The following HTR1F variants were observed in gnomAD, a reference collection of about 807,000 sequenced individuals.
HTR1F encodes the protein 5-hydroxytryptamine receptor 1F, also known as 5-hydroxytryptamine (serotonin) receptor 1F, G protein-coupled.
In HTR1F, 17 loss-of-function variants were observed where a neutral mutation model predicts 24.0. The observed-to-expected ratio is 0.71, with a 90% confidence interval of 0.48 to 1.06. The LOEUF (loss-of-function observed/expected upper bound fraction) is 1.06, where lower values mean the gene tolerates loss of function less well. Ranked by LOEUF, HTR1F falls within the 50% of genes least tolerant of loss-of-function variation. HTR1F has a pLI of 0.00. For missense variants in HTR1F, 391 were observed against 427.8 expected (o/e 0.91, Z 0.76); for synonymous variants, 186 against 156.8 (o/e 1.19, Z -1.39).
intron 2 of HTR1F, among the ~76,000 whole-genome samples, chr3:87,831,330 A>AATTATTATTATT (rs58022545): frequency 2.8e-5 from 4 of 142,406 alleles, no homozygotes; most frequent in African/African-American, 5.2e-5. Flanking sequence ...GATATTAAGA[A>AATTATTATTATT]ATTATTATTA....
chr3:87,806,898 A>T lies in HTR1F; in HGVS notation c.-160+14056A>T, dbSNP rs1844431. ...GACCATTTATTGAAGAGACTCCCCA[A>T]TGTATGTTCTTGGAACCCTCATCAA... On this transcript the variant is annotated intron_variant, in intron 1 of 2. Transcript: ENST00000319595. 4.0e-5 allele frequency among the ~76,000 whole-genome samples: 6 copies of T among 151,738 alleles called. No individual in the cohort carries two copies. In the East Asian group the frequency reaches 1.2e-3, roughly 29 times the overall value.
At chr3:87,846,648 A>C (rs1447533023) in intron 2 of HTR1F, among the ~76,000 whole-genome samples, 1 of 151,978 alleles carries the variant, frequency 6.6e-6, no homozygotes, top group African/African-American at 2.4e-5. Flanking sequence ...TGTTATTTCC[A>C]CAATTGAGTA....
chr3:87,842,286 G>A (rs951829297), intron 2 of HTR1F, among the ~76,000 whole-genome samples: 1 of 151,422 alleles, frequency 6.6e-6, no homozygotes, highest in African/African-American at 2.4e-5. Flanking sequence ...TCAGCCTCCC[G>A]AGTAGCTGGG....
intron 1 of HTR1F, among the ~76,000 whole-genome samples, chr3:87,800,011 C>T (rs1254006323): frequency 4.6e-5 from 7 of 152,162 alleles, no homozygotes; most frequent in Non-Finnish European, 7.3e-5. Flanking sequence ...ATGGGTCTCT[C>T]GAATATACTA....
intron 2 of HTR1F, among the ~76,000 whole-genome samples, chr3:87,946,629 T>A (rs13058900): frequency 0.041 from 2,652 of 65,410 alleles, 32 homozygotes; most frequent in African/African-American, 0.056. Flanking sequence ...ATATATATAT[T>A]TTTTTTTTTT....
chr3:87,871,157 C>A (rs1172730937), intron 2 of HTR1F, among the ~76,000 whole-genome samples: 1 of 151,542 alleles, frequency 6.6e-6, no homozygotes, highest in African/African-American at 2.4e-5. Flanking sequence ...TAGATAGAAA[C>A]CTTAAAAATC....
intron 2 of HTR1F, among the ~76,000 whole-genome samples, chr3:87,936,471 A>G (rs181184838): frequency 3.9e-5 from 6 of 152,340 alleles, no homozygotes; most frequent in Non-Finnish European, 4.4e-5. Context: ...GTTATTAACC[A>G]CATTGCAGAA....
intron 2 of HTR1F, among the ~76,000 whole-genome samples, chr3:87,942,692 G>C (rs146748815): frequency 1.1e-3 from 163 of 151,878 alleles, no homozygotes; most frequent in African/African-American, 3.8e-3. Flanking sequence ...CCCTTTACCA[G>C]GGCCTCCAAA....
chr3:87,831,895 G>T (rs1317331556), intron 2 of HTR1F, among the ~76,000 whole-genome samples: 1 of 152,090 alleles, frequency 6.6e-6, no homozygotes, highest in Non-Finnish European at 1.5e-5. Context: ...CTAACTTTTG[G>T]AAACTTAATG....
At chr3:87,925,348 C>A (rs890102574) in intron 2 of HTR1F, among the ~76,000 whole-genome samples, 11 of 152,046 alleles carry the variant, frequency 7.2e-5, no homozygotes, top group African/African-American at 2.4e-4. Flanking sequence ...GTGGTCAGTT[C>A]TTGGGTTCTA....
chr3:87,914,752 C>G (rs989041763), intron 2 of HTR1F, among the ~76,000 whole-genome samples: 1 of 152,082 alleles, frequency 6.6e-6, no homozygotes, highest in Non-Finnish European at 1.5e-5. Context: ...TGCGCCTTCC[C>G]TACCCACCCT....
chr3:87,934,634 T>G (rs1391767511), intron 2 of HTR1F, among the ~76,000 whole-genome samples: 1 of 152,302 alleles, frequency 6.6e-6, no homozygotes, highest in East Asian at 1.9e-4. Flanking sequence ...CTCTGACTCC[T>G]TTGTTGATTT....
At position 87,964,702 on chromosome 3, in the gene HTR1F, T is replaced by C. The variant is rs538510265; in HGVS notation, c.-42-26006T>C. Among the ~76,000 whole-genome samples the C allele has an allele frequency of 4.6e-5, 7 of 152,312 alleles. No individual in the cohort carries two copies. In the South Asian group the frequency reaches 1.2e-3, roughly 27 times the overall value. On this transcript the variant is annotated intron_variant, in intron 2 of 2. Coordinates refer to ENST00000319595, the MANE Select transcript of HTR1F (RefSeq NM_001322209.2). ...GAAAAATGTAGATGGGAGAGACCAC[T>C]AGGATCTGGAAAGATAGTAAGAGAT...
rs545993733 is a variant in HTR1F at position 87,941,722 on chromosome 3, G to T, written c.-42-48986G>T. On this transcript the variant is annotated intron_variant, in intron 2 of 2. Coordinates refer to ENST00000319595, the MANE Select transcript of HTR1F (RefSeq NM_001322209.2). ...GAGAGTCAGGATGTACAGGGATGCA[G>T]AAAAAGGCATCTTTAAGGTTCAGGA... Among the ~76,000 whole-genome samples the T allele has an allele frequency of 3.3e-5, 5 of 152,234 alleles. No homozygotes were observed. In the South Asian group the frequency reaches 1.0e-3, roughly 32 times the overall value.
intron 2 of HTR1F, among the ~76,000 whole-genome samples, chr3:87,945,113 T>A (rs931552336): frequency 8.9e-6 from 1 of 111,834 alleles, no homozygotes; most frequent in Non-Finnish European, 2.1e-5. Flanking sequence ...GTCTCCTCCA[T>A]CTCTCTCTCT....
intron 2 of HTR1F, among the ~76,000 whole-genome samples, chr3:87,827,016 G>C (rs1704478102): frequency 6.6e-6 from 1 of 151,984 alleles, no homozygotes; most frequent in Admixed American, 6.6e-5. Context: ...TCGCCATGTT[G>C]CCCAGGCTGG....
Position 87,935,954 on chromosome 3 carries a change from G to A in HTR1F, c.-42-54754G>A, listed in dbSNP as rs767547506. ...CAACCTCCACCTTCTGGGTTCAAGC[G>A]ATCCTCCTGCCTCAGCCTCCTGAGT... On this transcript the variant is annotated intron_variant, in intron 2 of 2. Coordinates refer to ENST00000319595, the MANE Select transcript of HTR1F (RefSeq NM_001322209.2). Among the ~76,000 whole-genome samples the A allele has an allele frequency of 7.2e-4, 110 of 152,032 alleles. 1 individual carries two copies. Among genetic ancestry groups the A allele is most frequent in the Non-Finnish European group, 2.9e-4 (20 of 68,008 alleles).
intron 1 of HTR1F, among the ~76,000 whole-genome samples, chr3:87,794,601 T>C (rs1172118187): frequency 6.6e-6 from 1 of 152,248 alleles, no homozygotes; most frequent in African/African-American, 2.4e-5. Flanking sequence ...GAATCATTTA[T>C]TCACGCTTCA....
At chr3:87,833,145 A>G (rs1043512288) in intron 2 of HTR1F, among the ~76,000 whole-genome samples, 3 of 151,200 alleles carry the variant, frequency 2.0e-5, no homozygotes, top group Non-Finnish European at 2.9e-5. Flanking sequence ...TCTGGCCCCA[A>G]ATCTGCTTGC....
Sources: allele counts gnomAD v4.1 joint callset (sites outside exome capture counted in the v4.1 genomes callset), GRCh38; gene constraint gnomAD v4.1.1; transcripts MANE v1.5; gene names NCBI Gene and HGNC (gene_info 2026-07-23, HGNC 2026-07-21).